ITGA9: variants seen among roughly 807,000 people sequenced by gnomAD.
ITGA9 encodes the protein integrin alpha-9.
Under a neutral mutation model 127.8 loss-of-function variants are expected in ITGA9, and 56 were observed. That is an observed-to-expected ratio of 0.44 (90% confidence interval 0.35 to 0.55). The LOEUF is 0.55. ITGA9 is among the 20% of genes least tolerant of loss of function. ITGA9 has a pLI of 0.00. For missense variants in ITGA9, 1,196 were observed against 1,347.1 expected (o/e 0.89, Z 1.76); for synonymous variants, 508 against 514.5 (o/e 0.99, Z 0.17).
At chr3:37,790,616 G>A (rs4679004) in intron 26 of ITGA9, 23,789 of 221,130 alleles carry the variant, frequency 0.11, 1,481 homozygotes, top group Middle Eastern at 0.17. Context: ...CTAGAAATAT[G>A]CCATAGATTC....
At chr3:37,795,771 A>C (rs1187848842) in intron 26 of ITGA9, among the ~76,000 whole-genome samples, 1 of 152,086 alleles carries the variant, frequency 6.6e-6, no homozygotes, top group East Asian at 1.9e-4. Context: ...TCCTCAGTCA[A>C]TCTTCTCCTT....
rs1559524614 is a variant in ITGA9 at position 37,512,052 on chromosome 3, CTTTCTTTCT to C, written c.898-1708_898-1700del. ...TCTTTCTTTCTTTCTTTCTTTCTTT[CTTTCTTTCT>C]TTCTTTCTTTCTTTCCTTCCTTCCT... On this transcript the variant is annotated intron_variant, in intron 8 of 27. Coordinates refer to ENST00000264741, the MANE Select transcript of ITGA9 (RefSeq NM_002207.3). Among the ~76,000 whole-genome samples the C allele has an allele frequency of 7.4e-4, 31 of 42,176 alleles. 1 individual carries two copies. The highest frequency in any genetic ancestry group is 3.4e-3 in the Admixed American group (13 of 3,880). The allele number at this position is 42,176 out of a possible 152,430, so 27.7% of individuals were successfully genotyped here. A position where few individuals can be genotyped will look rare whatever the true frequency, so the allele number is the denominator to read the frequency against.
chr3:37,761,974 T>C (rs1440095950), intron 23 of ITGA9, among the ~76,000 whole-genome samples: 1 of 152,218 alleles, frequency 6.6e-6, no homozygotes, highest in Non-Finnish European at 1.5e-5. Context: ...ATCCACTCCT[T>C]TTTTAGCATT....
chr3:37,754,836 G>T (rs1696630727), intron 23 of ITGA9, among the ~76,000 whole-genome samples: 4 of 152,150 alleles, frequency 2.6e-5, no homozygotes, highest in Admixed American at 2.6e-4. Flanking sequence ...TGAGTCAGTT[G>T]ATGTGGGAAC....
At chr3:37,607,274 A>G (rs1470187286) in intron 15 of ITGA9, among the ~76,000 whole-genome samples, 2 of 152,182 alleles carry the variant, frequency 1.3e-5, no homozygotes, top group African/African-American at 4.8e-5. Context: ...TACATCCATC[A>G]TCCTATCTCA....
At position 37,814,999 on chromosome 3, in the gene ITGA9, T is replaced by G. The variant is rs1028434587; in HGVS notation, c.3010-3892T>G. ...AACAGGACTGGAGACCCTGCAGTGT[T>G]AGAGTGGGGCATAGAGCTTGCAAGG... On this transcript the variant is annotated intron_variant, in intron 27 of 27. Coordinates refer to ENST00000264741, the MANE Select transcript of ITGA9 (RefSeq NM_002207.3). The surrounding 1 kb of genome is among the most constrained non-coding windows in gnomAD (Gnocchi z 4.3). Among the ~76,000 whole-genome samples, 3 of 152,194 alleles carry G rather than the reference T, an allele frequency of 2.0e-5. No individual in the cohort carries two copies. Among genetic ancestry groups the G allele is most frequent in the African/African-American group, 7.2e-5 (3 of 41,448 alleles).
chr3:37,653,840 A>T, intron 17 of ITGA9, 50 bp downstream of exon 17: 1 of 1,387,172 alleles, frequency 7.2e-7, no homozygotes, highest in South Asian at 1.2e-5. Flanking sequence ...CTTTTTCTTG[A>T]CCCCAGGTCC....
chr3:37,500,902 C>G (rs1056119740), intron 5 of ITGA9, among the ~76,000 whole-genome samples: 2 of 152,118 alleles, frequency 1.3e-5, no homozygotes, highest in African/African-American at 4.8e-5. Flanking sequence ...TCCCCATGAG[C>G]CTTCATGACC....
intron 16 of ITGA9, among the ~76,000 whole-genome samples, chr3:37,630,443 G>A (rs750228581): frequency 2.0e-5 from 3 of 152,220 alleles, no homozygotes; most frequent in Non-Finnish European, 4.4e-5. Flanking sequence ...CTCAGATAAA[G>A]TCTGGCTGAG....
intron 26 of ITGA9, among the ~76,000 whole-genome samples, chr3:37,801,886 C>A (rs1697239507): frequency 6.6e-6 from 1 of 152,306 alleles, no homozygotes; most frequent in East Asian, 1.9e-4. Context: ...TCCCCTGGCA[C>A]ACGCACACAC....
chr3:37,776,189 A>T (rs1696905464), intron 23 of ITGA9, among the ~76,000 whole-genome samples: 1 of 152,176 alleles, frequency 6.6e-6, no homozygotes, highest in Non-Finnish European at 1.5e-5. Flanking sequence ...TTGAGAATGG[A>T]GGTTGGAAGG....
intron 17 of ITGA9, among the ~76,000 whole-genome samples, chr3:37,676,480 C>T (rs544830172): frequency 6.6e-6 from 1 of 152,282 alleles, no homozygotes; most frequent in East Asian, 1.9e-4. Context: ...TGCTGCAGAG[C>T]ATGTCAGAGG....
intron 17 of ITGA9, among the ~76,000 whole-genome samples, chr3:37,664,125 C>G (rs1031682973): frequency 2.0e-5 from 3 of 152,164 alleles, no homozygotes; most frequent in Non-Finnish European, 2.9e-5. Context: ...ACATCGCGCT[C>G]TCCTCCTGTA....
chr3:37,639,486 T>C (rs930787026), intron 16 of ITGA9, among the ~76,000 whole-genome samples: 2 of 152,132 alleles, frequency 1.3e-5, no homozygotes, highest in African/African-American at 4.8e-5. Flanking sequence ...ATGGAGGGGC[T>C]GATGGATGCT....
chr3:37,559,421 G>A (rs1699464347), intron 15 of ITGA9, among the ~76,000 whole-genome samples: 2 of 152,154 alleles, frequency 1.3e-5, no homozygotes, highest in Non-Finnish European at 2.9e-5. Flanking sequence ...GTTGGTGTGA[G>A]GATAAAATGA....
chr3:37,700,744 A>T (rs1402649520), intron 18 of ITGA9, among the ~76,000 whole-genome samples: 1 of 152,218 alleles, frequency 6.6e-6, no homozygotes, highest in Admixed American at 6.5e-5. Flanking sequence ...AAACTAATGG[A>T]TGGTGGGCAA....
chr3:37,636,914 G>C (rs1268727690), intron 16 of ITGA9, among the ~76,000 whole-genome samples: 1 of 151,474 alleles, frequency 6.6e-6, no homozygotes, highest in Admixed American at 6.6e-5. Context: ...GCTTGTTTTT[G>C]TCAGGTTTGT....
intron 16 of ITGA9, 108 bp from the exon 17 acceptor site, chr3:37,653,606 G>A (rs949384919): frequency 9.3e-6 from 8 of 862,318 alleles, no homozygotes; most frequent in Admixed American, 5.1e-5. Flanking sequence ...GAAGCCCTGA[G>A]GGGCTCAGGG....
intron 13 of ITGA9, among the ~76,000 whole-genome samples, chr3:37,531,026 C>T (rs1448188111): frequency 1.3e-5 from 2 of 152,078 alleles, no homozygotes; most frequent in East Asian, 3.9e-4. Context: ...GCTGGGATTA[C>T]AGGCGTGAGC....
Sources: allele counts gnomAD v4.1 joint callset (sites outside exome capture counted in the v4.1 genomes callset), GRCh38; gene constraint gnomAD v4.1.1; non-coding constraint Gnocchi (gnomAD v3.1); transcripts MANE v1.5; gene names NCBI Gene and HGNC (gene_info 2026-07-23, HGNC 2026-07-21).